DLGAP2: variants seen among roughly 807,000 people sequenced by gnomAD.
DLGAP2 encodes disks large-associated protein 2.
Under a neutral mutation model 100.3 loss-of-function variants are expected in DLGAP2, and 26 were observed. That is an observed-to-expected ratio of 0.26 (90% CI 0.19 to 0.36). DLGAP2 has a LOEUF of 0.36. Among genes scored for constraint, DLGAP2 ranks in the 10% least tolerant of loss-of-function variants. The pLI is 1.00. For synonymous variants in DLGAP2, 886 were observed against 630.1 expected, an observed-to-expected ratio of 1.41 and a Z score of -6.08; for missense variants, 1,858 against 1,453.2, an observed-to-expected ratio of 1.28 and a Z score of -4.53.
At chr8:1,329,443 T>C (rs1335671991) in intron 3 of DLGAP2, among the ~76,000 whole-genome samples, 1 of 152,202 alleles carries the variant, frequency 6.6e-6, no homozygotes, top group Admixed American at 6.5e-5. Context: ...TAGACCAAAA[T>C]ATTATTTTTA....
chr8:1,548,318 G>C (rs939224331), intron 4 of DLGAP2, among the ~76,000 whole-genome samples: 2 of 151,438 alleles, frequency 1.3e-5, no homozygotes, highest in African/African-American at 4.8e-5. Flanking sequence ...AATTAGCCGG[G>C]CGTGGTGGCA....
intron 2 of DLGAP2, among the ~76,000 whole-genome samples, chr8:956,652 A>G (rs1417257901): frequency 3.3e-5 from 5 of 152,268 alleles, no homozygotes; most frequent in African/African-American, 9.6e-5. Flanking sequence ...CCCACATTCC[A>G]TTTACAGATC....
At chr8:1,031,072 C>T (rs1431154157) in intron 2 of DLGAP2, among the ~76,000 whole-genome samples, 1 of 152,208 alleles carries the variant, frequency 6.6e-6, no homozygotes, top group South Asian at 2.1e-4. Flanking sequence ...TTCCCAGAGC[C>T]TGCCTGGCGT....
intron 2 of DLGAP2, among the ~76,000 whole-genome samples, chr8:1,052,833 A>T (rs542605941): frequency 6.6e-6 from 1 of 152,162 alleles, no homozygotes; most frequent in African/African-American, 2.4e-5. Context: ...ACACAGGGCA[A>T]TGACAACCTG....
chr8:1,235,541 TC>T lies in DLGAP2; in HGVS notation c.74-23309del, dbSNP rs1798633111. 8.1e-5 allele frequency among the ~76,000 whole-genome samples: 2 copies of T among 24,806 alleles called. 1 individual carries two copies. Among genetic ancestry groups the T allele is most frequent in the Non-Finnish European group, 2.4e-4 (2 of 8,450 alleles). The allele number at this position is 24,806 out of a possible 152,430, so 16.3% of individuals were successfully genotyped here. A position where few individuals can be genotyped will look rare whatever the true frequency, so the allele number is the denominator to read the frequency against. Reference sequence around the variant, plus strand: ...TCACACAGAGCATCATGTCTAGTTCTCTCACATGGCGCCATGTCTAGTTCTC... The same window carrying T: ...TCACACAGAGCATCATGTCTAGTTCTTCACATGGCGCCATGTCTAGTTCTC... On this transcript the variant is annotated intron_variant, in intron 2 of 14. Transcript: ENST00000637795.
chr8:1,041,644 C>T (rs1344268040), intron 2 of DLGAP2, among the ~76,000 whole-genome samples: 1 of 75,534 alleles, frequency 1.3e-5, no homozygotes, highest in African/African-American at 5.8e-5. Context: ...CTCCGAGCCC[C>T]TTGCCGTGGG....
At chr8:1,492,998 G>C (rs1156303025) in intron 3 of DLGAP2, among the ~76,000 whole-genome samples, 1 of 152,170 alleles carries the variant, frequency 6.6e-6, no homozygotes, top group African/African-American at 2.4e-5. Flanking sequence ...GATGGAAACC[G>C]AGTTCTCACC....
intron 3 of DLGAP2, among the ~76,000 whole-genome samples, chr8:1,277,309 A>AT (rs1267462208): frequency 6.6e-6 from 1 of 152,048 alleles, no homozygotes; most frequent in Non-Finnish European, 1.5e-5. Context: ...TGGTAACTGT[A>AT]TTTTTTTGTT....
intron 2 of DLGAP2, among the ~76,000 whole-genome samples, chr8:1,227,155 T>G (rs890620117): frequency 7.9e-5 from 10 of 126,776 alleles, no homozygotes; most frequent in East Asian, 4.8e-4. Flanking sequence ...AACTGTGAGA[T>G]ATATATATAT....
At chr8:1,139,827 T>A (rs1044460481) in intron 2 of DLGAP2, among the ~76,000 whole-genome samples, 22 of 152,036 alleles carry the variant, frequency 1.4e-4, no homozygotes, top group East Asian at 3.9e-4. Flanking sequence ...TTAACTTTTT[T>A]AATTCTCATA....
intron 2 of DLGAP2, among the ~76,000 whole-genome samples, chr8:1,195,078 C>G (rs1419830804): frequency 6.6e-6 from 1 of 152,258 alleles, no homozygotes; most frequent in African/African-American, 2.4e-5. Context: ...AGTGCTCAAG[C>G]TCTTTCCAGG....
At chr8:1,095,438 C>G (rs955452112) in intron 2 of DLGAP2, among the ~76,000 whole-genome samples, 1 of 152,154 alleles carries the variant, frequency 6.6e-6, no homozygotes, top group Non-Finnish European at 1.5e-5. Context: ...GGGCTGCTTC[C>G]GGTTACACTT....
intron 3 of DLGAP2, among the ~76,000 whole-genome samples, chr8:1,485,506 T>C (rs1415144421): frequency 6.6e-6 from 1 of 152,264 alleles, no homozygotes; most frequent in Non-Finnish European, 1.5e-5. Flanking sequence ...CAGATTTTTA[T>C]AGCAGACGCG....
intron 3 of DLGAP2, among the ~76,000 whole-genome samples, chr8:1,334,221 C>G (rs1182960429): frequency 6.6e-6 from 1 of 152,218 alleles, no homozygotes; most frequent in Non-Finnish European, 1.5e-5. Flanking sequence ...AAATCAACAG[C>G]TTTTGGCTGC....
intron 1 of DLGAP2, among the ~76,000 whole-genome samples, chr8:784,116 A>T (rs1467168898): frequency 6.6e-6 from 1 of 152,240 alleles, no homozygotes; most frequent in Non-Finnish European, 1.5e-5. Context: ...ACTAAAAAGT[A>T]ATATTTATCC....
At chr8:1,133,182 T>A (rs1490883199) in intron 2 of DLGAP2, among the ~76,000 whole-genome samples, 4 of 152,200 alleles carry the variant, frequency 2.6e-5, no homozygotes, top group African/African-American at 9.6e-5. Flanking sequence ...CTTAACAAGC[T>A]ACTTAAGCAC....
chr8:1,019,995 A>C lies in DLGAP2; in HGVS notation c.73+112029A>C, dbSNP rs1245585413. The stretch of plus-strand genomic sequence containing the variant: ...TTTGTGAACTTTGGTTCAGTATTTT[A>C]TTTGTCAAAGAAGTTAAGTTGCTTA... On this transcript the variant is annotated intron_variant, in intron 2 of 14. Transcript: ENST00000637795. Among the ~76,000 whole-genome samples the C allele has an allele frequency of 2.6e-5, 4 of 152,228 alleles. No individual in the cohort carries two copies. In the East Asian group the frequency reaches 7.7e-4, roughly 29 times the overall value.
intron 5 of DLGAP2, among the ~76,000 whole-genome samples, chr8:1,562,666 T>A (rs1488957990): frequency 2.3e-5 from 1 of 42,878 alleles, no homozygotes; most frequent in East Asian, 7.9e-4. Context: ...GACTGTGTGG[T>A]GTTGGGGTGT....
chr8:1,159,258 T>A (rs1796846667), intron 2 of DLGAP2, among the ~76,000 whole-genome samples: 1 of 152,256 alleles, frequency 6.6e-6, no homozygotes. Flanking sequence ...ATCAAATTAC[T>A]GCTTTATCTG....
Sources: allele counts gnomAD v4.1 joint callset (sites outside exome capture counted in the v4.1 genomes callset), GRCh38; gene constraint gnomAD v4.1.1; transcripts MANE v1.5; gene names NCBI Gene and HGNC (gene_info 2026-07-23, HGNC 2026-07-21).